The following SAMM50 variants were observed in gnomAD, a reference collection of about 807,000 sequenced individuals.
The protein encoded by SAMM50 is sorting and assembly machinery component 50 homolog.
SAMM50 carries 47 observed loss-of-function variants against 66.9 expected under a neutral mutation model. The observed-to-expected ratio is 0.70, with a 90% confidence interval of 0.56 to 0.90. SAMM50 has a LOEUF of 0.90. Among genes scored for constraint, SAMM50 ranks in the 40% least tolerant of loss-of-function variants. The pLI, the probability that SAMM50 is intolerant of heterozygous loss-of-function variation, is 0.00. For synonymous variants in SAMM50, 191 were observed against 214.1 expected, an observed-to-expected ratio of 0.89 and a Z score of 0.94; for missense variants, 535 against 595.3, an observed-to-expected ratio of 0.90 and a Z score of 1.05.
chr22:43,963,393 A>G lies in SAMM50; in HGVS notation c.129A>G (p.Lys43=), dbSNP rs745670632. Reference sequence around the variant, plus strand: ...CTAAACAGGAAATTCTTGAAAACAAAGATGTGAGTTTTCTGTTGAAGGTCT... The same window carrying G: ...CTAAACAGGAAATTCTTGAAAACAAGGATGTGAGTTTTCTGTTGAAGGTCT... ...PEAKQEILEN[K]DVVVQHVHFD... The change falls in exon 2 of 15, where the codon AAA becomes AAG. Residue 43 remains lysine, a synonymous_variant. Transcript: ENST00000350028. The G allele has an allele frequency of 1.3e-5, 21 of 1,597,692 alleles. No homozygotes were observed. Among genetic ancestry groups the G allele is most frequent in the Non-Finnish European group, 1.7e-5 (20 of 1,166,666 alleles).
intron 1 of SAMM50, among the ~76,000 whole-genome samples, chr22:43,959,839 C>G (rs1182774693): frequency 6.6e-6 from 1 of 151,982 alleles, no homozygotes; most frequent in Non-Finnish European, 1.5e-5. Context: ...AACACAGTTA[C>G]TAATATTTTG....
chr22:43,959,491 TTTTA>T (rs1013178026), intron 1 of SAMM50, among the ~76,000 whole-genome samples: 1 of 133,258 alleles, frequency 7.5e-6, no homozygotes, highest in Non-Finnish European at 1.6e-5. Context: ...CAAATATTTA[TTTTA>T]TTTTTTTATA....
intron 14 of SAMM50, among the ~76,000 whole-genome samples, chr22:43,994,158 C>T (rs1003204228): frequency 2.6e-5 from 4 of 152,182 alleles, no homozygotes; most frequent in Non-Finnish European, 4.4e-5. Flanking sequence ...CAGGTGCTTG[C>T]AGAAGACACG....
At chr22:43,982,915 C>T (rs1165557448) in intron 11 of SAMM50, among the ~76,000 whole-genome samples, 3 of 152,202 alleles carry the variant, frequency 2.0e-5, no homozygotes, top group East Asian at 1.9e-4. Context: ...GGATTACAGG[C>T]GCGAGCTACC....
chr22:43,968,601 G>A, intron 3 of SAMM50, 130 bp from the exon 4 acceptor site: 1 of 673,630 alleles, frequency 1.5e-6, no homozygotes, highest in South Asian at 1.7e-5. Flanking sequence ...GCTGGTCTTG[G>A]TAGTGCTCTC....
rs1569030587 is a variant in SAMM50 at position 43,976,825 on chromosome 22, G to T, written c.849+4G>T. ...TGCTTTGCTGAAAGTTAACCAGGTA[G>T]TGTTGTTTCACCTGTGACCCCTGCA... On this transcript the variant is annotated splice_donor_region_variant and intron_variant, in intron 9 of 14. Coordinates refer to ENST00000350028, the MANE Select transcript of SAMM50 (RefSeq NM_015380.5). The T allele has an allele frequency of 6.2e-7, 1 of 1,605,232 alleles. No individual in the cohort carries two copies. The highest frequency in any genetic ancestry group is 1.7e-5 in the Admixed American group (1 of 59,588).
At chr22:43,987,790 C>A (rs1332523172) in intron 12 of SAMM50, 1 of 151,922 alleles carries the variant, frequency 6.6e-6, no homozygotes, top group Non-Finnish European at 1.5e-5. Flanking sequence ...TATTGGTCCA[C>A]CTATGTTGTT....
Position 43,983,971 on chromosome 22 carries a change from G to C in SAMM50, c.1046G>C (p.Ser349Thr). Residue 349 changes from serine to threonine, a missense_variant, in exon 12 of 15, where the codon AGC becomes ACC. Ser to Thr is a moderately conservative substitution (Grantham distance 58). Transcript: ENST00000350028. The surrounding 1 kb of genome is among the most constrained non-coding windows in gnomAD (Gnocchi z 4.2). ...GGACCCACAAGCATCCGCGGATTCA[G>C]CATGCACAGCATCGGGCCACAGAGC... ...LGGPTSIRGF[S>T]MHSIGPQSEG... The C allele has an allele frequency of 1.2e-6, 2 of 1,611,712 alleles. No homozygotes were observed. Among genetic ancestry groups the C allele is most frequent in the Non-Finnish European group, 1.7e-6 (2 of 1,179,156 alleles).
At chr22:43,956,224 T>C (rs1225376896) in intron 1 of SAMM50, among the ~76,000 whole-genome samples, 1 of 152,158 alleles carries the variant, frequency 6.6e-6, no homozygotes, top group Admixed American at 6.5e-5. Flanking sequence ...TTTATCCTAA[T>C]CTTAAATAAG....
chr22:43,995,212 A>C (rs2050346573), intron 14 of SAMM50, among the ~76,000 whole-genome samples: 1 of 152,182 alleles, frequency 6.6e-6, no homozygotes, highest in Admixed American at 6.5e-5. Context: ...TTCATCCTGC[A>C]GGAGGCCGGC....
intron 4 of SAMM50, among the ~76,000 whole-genome samples, chr22:43,969,464 A>G (rs1480456223): frequency 6.6e-6 from 1 of 152,138 alleles, no homozygotes; most frequent in Admixed American, 6.5e-5. Flanking sequence ...ATAGCAGCAC[A>G]CAGGGCGTGG....
At chr22:43,979,994 C>A (rs2050254009) in intron 10 of SAMM50, among the ~76,000 whole-genome samples, 1 of 148,524 alleles carries the variant, frequency 6.7e-6, no homozygotes, top group Admixed American at 6.8e-5. Flanking sequence ...GAAGTGGGGG[C>A]TCCTCCACTG....
chr22:43,956,933 G>T, intron 1 of SAMM50: 1 of 516,604 alleles, frequency 1.9e-6, no homozygotes, highest in Non-Finnish European at 3.4e-6. Flanking sequence ...GTGACTTTTG[G>T]TTACTAGCAA....
chr22:43,996,273 G>A (rs2050353966), intron 14 of SAMM50, 65 bp from the exon 15 acceptor site: 1 of 1,558,364 alleles, frequency 6.4e-7, no homozygotes, highest in Non-Finnish European at 8.9e-7. Context: ...CGCATGCTCA[G>A]TGAGTCGTGA....
At chr22:43,989,730 T>C (rs905627487) in intron 13 of SAMM50, among the ~76,000 whole-genome samples, 4 of 152,172 alleles carry the variant, frequency 2.6e-5, no homozygotes, top group Non-Finnish European at 5.9e-5. Flanking sequence ...ATGCCCAGCA[T>C]TAAGTGGTTG....
intron 13 of SAMM50, among the ~76,000 whole-genome samples, chr22:43,989,707 A>C (rs891415171): frequency 6.6e-6 from 1 of 152,228 alleles, no homozygotes; most frequent in Non-Finnish European, 1.5e-5. Context: ...AAATTCTTAC[A>C]ACAGCTAACA....
chr22:43,980,155 TCCATCCATTCACCCACCCAC>T (rs2050256898), intron 10 of SAMM50, among the ~76,000 whole-genome samples: 1 of 18,560 alleles, frequency 5.4e-5, no homozygotes, highest in Non-Finnish European at 1.0e-4. Flanking sequence ...CATCCATCCA[TCCATCCATTCACCCACCCAC>T]CCACCCACCC....
chr22:43,987,413 A>T (rs904802027), intron 12 of SAMM50: 1 of 152,276 alleles, frequency 6.6e-6, no homozygotes, highest in African/African-American at 2.4e-5. Flanking sequence ...AGGAAAAGCT[A>T]GACCCAGAGG....
intron 11 of SAMM50, among the ~76,000 whole-genome samples, 176 bp downstream of exon 11, chr22:43,981,637 T>C (rs2050265357): frequency 2.0e-5 from 3 of 152,240 alleles, no homozygotes; most frequent in Non-Finnish European, 4.4e-5. Context: ...ACACTTAATA[T>C]TTTTTGCTTT....
Sources: allele counts gnomAD v4.1 joint callset (sites outside exome capture counted in the v4.1 genomes callset), GRCh38; gene constraint gnomAD v4.1.1; non-coding constraint Gnocchi (gnomAD v3.1); transcripts MANE v1.5; gene names NCBI Gene and HGNC (gene_info 2026-07-23, HGNC 2026-07-21).